The following TUSC3 variants were observed in gnomAD, a reference collection of about 807,000 sequenced individuals.
TUSC3 encodes the protein dolichyl-diphosphooligosaccharide--protein glycosyltransferase subunit TUSC3.
A neutral mutation model predicts 44.8 loss-of-function variants in TUSC3; 45 were observed. That is an observed-to-expected ratio of 1.00 (90% confidence interval 0.79 to 1.29). The LOEUF is 1.29. TUSC3 is among the 50% of genes most tolerant of loss of function. TUSC3 has a pLI of 0.00. For synonymous variants in TUSC3, 212 were observed against 152.9 expected, an observed-to-expected ratio of 1.39 and a Z score of -2.85; for missense variants, 519 against 437.9, an observed-to-expected ratio of 1.19 and a Z score of -1.65.
intron 1 of TUSC3, among the ~76,000 whole-genome samples, chr8:15,467,159 G>A (rs1214641798): frequency 6.6e-6 from 1 of 151,492 alleles, no homozygotes; most frequent in South Asian, 2.1e-4. Flanking sequence ...GTGATTAAAA[G>A]ACAACACTGT....
chr8:15,488,559 C>T (rs1430303832), intron 2 of TUSC3, among the ~76,000 whole-genome samples: 1 of 152,086 alleles, frequency 6.6e-6, no homozygotes, highest in Non-Finnish European at 1.5e-5. Context: ...TGTGTCCCCA[C>T]CAAATTTATA....
At chr8:15,630,621 T>C (rs1805716139) in intron 2 of TUSC3, among the ~76,000 whole-genome samples, 1 of 152,210 alleles carries the variant, frequency 6.6e-6, no homozygotes, top group Non-Finnish European at 1.5e-5. Flanking sequence ...TAGAATTTAA[T>C]GCTTTCCTTA....
chr8:15,804,223 C>A, the TUSC3 span, among the ~76,000 whole-genome samples: 9 of 152,154 alleles, frequency 5.9e-5, no homozygotes, highest in African/African-American at 1.9e-4. Context: ...TGTTTCCTGA[C>A]TTTTTAATGA....
intron 2 of TUSC3, among the ~76,000 whole-genome samples, chr8:15,628,162 T>C (rs1041636252): frequency 5.3e-5 from 8 of 152,244 alleles, no homozygotes; most frequent in African/African-American, 1.9e-4. Context: ...AAAAACTGAA[T>C]GTATTGATTT....
intron 7 of TUSC3, among the ~76,000 whole-genome samples, chr8:15,739,050 C>T (rs372912994): frequency 6.6e-6 from 1 of 151,730 alleles, no homozygotes; most frequent in African/African-American, 2.4e-5. Context: ...CCAGGCTGGT[C>T]TTGAACTCCT....
intron 1 of TUSC3, among the ~76,000 whole-genome samples, chr8:15,561,050 A>G (rs1802440019): frequency 7.5e-6 from 1 of 132,552 alleles, no homozygotes; most frequent in Non-Finnish European, 1.6e-5. Flanking sequence ...TTGGTGAGGA[A>G]CTGCGTTCCT....
intron 1 of TUSC3, among the ~76,000 whole-genome samples, chr8:15,423,364 A>G (rs1265128458): frequency 6.6e-6 from 1 of 152,172 alleles, no homozygotes; most frequent in Admixed American, 6.6e-5. Flanking sequence ...CCTCATTCTG[A>G]ATGTCAAGGT....
chr8:15,745,356 T>C (rs1378738666), intron 8 of TUSC3, among the ~76,000 whole-genome samples: 3 of 152,124 alleles, frequency 2.0e-5, no homozygotes, highest in Non-Finnish European at 4.4e-5. Context: ...AAGGTAGCAC[T>C]GTGTTAAGTT....
the TUSC3 span, among the ~76,000 whole-genome samples, chr8:15,800,129 T>C: frequency 2.6e-5 from 4 of 152,166 alleles, no homozygotes; most frequent in Non-Finnish European, 4.4e-5. Context: ...TCTATATCCA[T>C]AGCTGCTCCT....
the TUSC3 span, among the ~76,000 whole-genome samples, chr8:15,842,450 C>G: frequency 1.3e-5 from 2 of 152,122 alleles, no homozygotes; most frequent in South Asian, 4.1e-4. Context: ...TTTCATGTCT[C>G]TATTTATTTA....
the TUSC3 span, among the ~76,000 whole-genome samples, chr8:15,777,523 G>A: frequency 1.3e-5 from 2 of 151,650 alleles, no homozygotes; most frequent in African/African-American, 4.9e-5. Context: ...TATTTAAGTA[G>A]GTAAGACAAG....
In TUSC3 at chr8:15,553,746, AAG is replaced by A. The variant is rs1308491006; in HGVS notation, c.138+13185_138+13186del. Reference sequence around the variant, plus strand: ...TCTCAAACAATTTGCTGTGAATGGGAAGAGAGAGTTAAGTGGTGGTAGCTGGA... The same window carrying A: ...TCTCAAACAATTTGCTGTGAATGGGAAGAGAGTTAAGTGGTGGTAGCTGGA... On this transcript the variant is annotated intron_variant, in intron 1 of 10. Coordinates refer to ENST00000503731, the MANE Select transcript of TUSC3 (RefSeq NM_006765.4). 2.0e-5 allele frequency among the ~76,000 whole-genome samples: 3 copies of A among 151,750 alleles called. 1 individual carries two copies. Among genetic ancestry groups the A allele is most frequent in the Non-Finnish European group, 4.4e-5 (3 of 67,882 alleles).
chr8:15,496,034 C>T (rs1454807298), intron 2 of TUSC3, among the ~76,000 whole-genome samples: 2 of 152,142 alleles, frequency 1.3e-5, no homozygotes, highest in Admixed American at 1.3e-4. Context: ...AGAATCCCAT[C>T]ACCCTTATTT....
chr8:15,797,671 C>T, the TUSC3 span, among the ~76,000 whole-genome samples: 7 of 152,116 alleles, frequency 4.6e-5, no homozygotes, highest in Admixed American at 3.3e-4. Context: ...AGGCAACAGT[C>T]GGGGAGTACA....
At chr8:15,708,664 CAG>C (rs1213390996) in intron 6 of TUSC3, among the ~76,000 whole-genome samples, 7 of 151,862 alleles carry the variant, frequency 4.6e-5, no homozygotes, top group Non-Finnish European at 8.8e-5. Context: ...AGTTTTTAAA[CAG>C]AGAATTGGGT....
intron 2 of TUSC3, among the ~76,000 whole-genome samples, chr8:15,503,364 C>T (rs1800995521): frequency 1.3e-5 from 2 of 152,088 alleles, no homozygotes; most frequent in African/African-American, 2.4e-5. Context: ...GTTTGAGCCA[C>T]CCCGTCTGTG....
At chr8:15,823,553 T>A in the TUSC3 span, among the ~76,000 whole-genome samples, 1 of 152,218 alleles carries the variant, frequency 6.6e-6, no homozygotes, top group Non-Finnish European at 1.5e-5. Flanking sequence ...AAATAAAAGA[T>A]ACCATAATGT....
At chr8:15,694,500 G>T (rs1236552295) in intron 6 of TUSC3, among the ~76,000 whole-genome samples, 1 of 146,244 alleles carries the variant, frequency 6.8e-6, no homozygotes, top group South Asian at 2.2e-4. Context: ...GAGGTAAGAA[G>T]ACACTCTGGC....
chr8:15,667,622 A>G (rs1216678062), intron 5 of TUSC3, among the ~76,000 whole-genome samples: 3 of 151,640 alleles, frequency 2.0e-5, no homozygotes, highest in Non-Finnish European at 3.0e-5. Context: ...CTAGCAGCTT[A>G]TTTTCATATT....
Sources: gnomAD v4.1 joint callset for allele counts (sites outside exome capture counted in the v4.1 genomes callset) on GRCh38, gnomAD v4.1.1 for gene constraint, MANE v1.5 for transcripts, NCBI Gene and HGNC (gene_info 2026-07-23, HGNC 2026-07-21) for gene names.